Variants in ADGRL3 observed in about 807,000 individuals in gnomAD.
The protein encoded by ADGRL3 is adhesion G protein-coupled receptor L3.
A neutral mutation model predicts 153.5 loss-of-function variants in ADGRL3; 62 were observed. The observed-to-expected ratio is 0.40, with a 90% CI of 0.33 to 0.50. ADGRL3 has a LOEUF of 0.50. Ranked by LOEUF, ADGRL3 falls within the 20% of genes least tolerant of loss-of-function variation. The pLI is 0.47. For synonymous variants in ADGRL3, 710 were observed against 672.5 expected, an observed-to-expected ratio of 1.06 and a Z score of -0.86; for missense variants, 1,641 against 1,859.4, an observed-to-expected ratio of 0.88 and a Z score of 2.16.
At chr4:61,849,757 G>T (rs1039807537) in intron 9 of ADGRL3, among the ~76,000 whole-genome samples, 1 of 152,082 alleles carries the variant, frequency 6.6e-6, no homozygotes, top group Non-Finnish European at 1.5e-5. Context: ...AATGCCAGCT[G>T]TGACTTTATT....
chr4:62,067,057 A>G (rs543416090), intron 25 of ADGRL3, among the ~76,000 whole-genome samples: 4 of 152,094 alleles, frequency 2.6e-5, no homozygotes, highest in Non-Finnish European at 5.9e-5. Context: ...CTCTCGATAT[A>G]CTGGCTTGGC....
chr4:61,937,825 A>T (rs2098845657), intron 15 of ADGRL3, among the ~76,000 whole-genome samples: 2 of 152,144 alleles, frequency 1.3e-5, no homozygotes, highest in Non-Finnish European at 2.9e-5. Context: ...TCAGACGAAA[A>T]GCTGTGTATC....
At chr4:61,824,985 C>G (rs887233374) in intron 9 of ADGRL3, among the ~76,000 whole-genome samples, 5 of 152,132 alleles carry the variant, frequency 3.3e-5, no homozygotes, top group Non-Finnish European at 7.4e-5. Flanking sequence ...AATCTTTTCT[C>G]CTTAGCTGCT....
intron 19 of ADGRL3, among the ~76,000 whole-genome samples, chr4:61,994,821 G>T (rs1368387098): frequency 1.3e-5 from 2 of 151,184 alleles, no homozygotes; most frequent in Admixed American, 6.6e-5. Context: ...ATGTCTGTGT[G>T]TGTATGTTTA....
intron 8 of ADGRL3, among the ~76,000 whole-genome samples, chr4:61,791,804 A>T (rs1015660102): frequency 2.0e-5 from 3 of 152,192 alleles, no homozygotes; most frequent in Non-Finnish European, 2.9e-5. Flanking sequence ...ACTCAGCACC[A>T]TGTGGAAGCT....
chr4:62,068,270 T>G lies in ADGRL3; in HGVS notation c.3832+87T>G. On this transcript the variant is annotated intron_variant, in intron 26 of 26. Transcript: ENST00000683033. ...CATCACATATAGATGATGTAGTTAT[T>G]AAAAACAGTTCATCTCACAATTTAA... The G allele has an allele frequency of 1.1e-5, 13 of 1,208,454 alleles. No individual in the cohort carries two copies. The South Asian group carries it at 1.6e-4, about 15-fold the overall frequency. 74.9% of individuals were successfully genotyped at this position (1,208,454 alleles called of 1,614,324 possible). A position where few individuals can be genotyped will look rare whatever the true frequency, so the allele number is the denominator to read the frequency against.
At position 61,435,645 on chromosome 4, in the gene ADGRL3, A is replaced by G. The variant is rs1024516419; in HGVS notation, c.-174+52456A>G. On this transcript the variant is annotated intron_variant, in intron 2 of 26. Coordinates refer to ENST00000683033, the MANE Select transcript of ADGRL3 (RefSeq NM_001387552.1). ...TTATTTTTCACAAATTCCTAAGTGT[A>G]TTGTCCAATATGTTACCTTTCACGG... Among the ~76,000 whole-genome samples the G allele has an allele frequency of 2.1e-3, 310 of 151,052 alleles. 5 individuals are homozygous for G. The highest frequency in any genetic ancestry group is 2.5e-3 in the Non-Finnish European group (169 of 67,938).
chr4:61,608,346 A>G (rs1232457435), intron 5 of ADGRL3, among the ~76,000 whole-genome samples: 1 of 152,208 alleles, frequency 6.6e-6, no homozygotes, highest in Non-Finnish European at 1.5e-5. Context: ...GTTCATATTA[A>G]TTTACTGTAA....
intron 4 of ADGRL3, among the ~76,000 whole-genome samples, chr4:61,551,050 G>A (rs147332051): frequency 5.9e-4 from 90 of 152,192 alleles, no homozygotes; most frequent in African/African-American, 6.7e-4. Flanking sequence ...TATTAATCAC[G>A]TGGTAGCTAT....
intron 1 of ADGRL3, among the ~76,000 whole-genome samples, chr4:61,259,601 T>C (rs2092344694): frequency 6.6e-6 from 1 of 152,136 alleles, no homozygotes. Context: ...GTGTTTATAT[T>C]GCATGAAGCC....
intron 2 of ADGRL3, among the ~76,000 whole-genome samples, chr4:61,477,308 T>G (rs2152715984): frequency 6.6e-6 from 1 of 152,236 alleles, no homozygotes; most frequent in African/African-American, 2.4e-5. Flanking sequence ...ATTTTATTAT[T>G]ATTAAGCTAT....
chr4:61,245,263 C>T (rs554518329), intron 1 of ADGRL3, among the ~76,000 whole-genome samples: 4 of 152,184 alleles, frequency 2.6e-5, no homozygotes, highest in Admixed American at 2.6e-4. Context: ...GAGTACTGCT[C>T]AGCAAATCCT....
intron 2 of ADGRL3, among the ~76,000 whole-genome samples, chr4:61,424,495 G>A (rs1051142216): frequency 2.4e-4 from 36 of 152,090 alleles, no homozygotes; most frequent in African/African-American, 8.7e-4. Context: ...CCCAACGTAG[G>A]CCAGAGCTCA....
chr4:61,643,263 A>G (rs2093779965), intron 5 of ADGRL3, among the ~76,000 whole-genome samples: 1 of 151,688 alleles, frequency 6.6e-6, no homozygotes, highest in Admixed American at 6.6e-5. Flanking sequence ...CTCTTTTCCT[A>G]ATTGAATACC....
intron 1 of ADGRL3, among the ~76,000 whole-genome samples, chr4:61,341,612 C>G (rs2095810167): frequency 6.6e-6 from 1 of 151,676 alleles, no homozygotes; most frequent in Non-Finnish European, 1.5e-5. Flanking sequence ...AGCTGTTATG[C>G]AAAATGTTCT....
At chr4:61,463,474 C>T (rs114841574) in intron 2 of ADGRL3, among the ~76,000 whole-genome samples, 2,714 of 152,212 alleles carry the variant, frequency 0.018, 75 homozygotes, top group African/African-American at 0.061. Context: ...CACTCACTAT[C>T]ATGAGAAGAG....
At chr4:61,755,998 T>A (rs1027310470) in intron 8 of ADGRL3, among the ~76,000 whole-genome samples, 75 of 152,292 alleles carry the variant, frequency 4.9e-4, no homozygotes, top group Non-Finnish European at 8.5e-4. Context: ...TTGGTACCAG[T>A]ACCATGCTGT....
chr4:61,554,146 A>T (rs796524017), intron 4 of ADGRL3, among the ~76,000 whole-genome samples: 5 of 143,588 alleles, frequency 3.5e-5, no homozygotes, highest in African/African-American at 1.3e-4. Context: ...ATTTGCTTAT[A>T]AAAAATGTCT....
At chr4:61,551,375 A>G (rs2098739702) in intron 4 of ADGRL3, among the ~76,000 whole-genome samples, 1 of 152,168 alleles carries the variant, frequency 6.6e-6, no homozygotes, top group South Asian at 2.1e-4. Flanking sequence ...AGTTAAAAAT[A>G]TGTATTTAAA....
Sources: gnomAD v4.1 joint callset for allele counts (sites outside exome capture counted in the v4.1 genomes callset) on GRCh38, gnomAD v4.1.1 for gene constraint, MANE v1.5 for transcripts, NCBI Gene and HGNC (gene_info 2026-07-23, HGNC 2026-07-21) for gene names.